The following XPO7 variants were observed in gnomAD, a reference collection of about 807,000 sequenced individuals.
XPO7 encodes exportin-7.
Under a neutral mutation model 144.3 loss-of-function variants are expected in XPO7, and 21 were observed. The observed-to-expected ratio is 0.15, with a 90% CI of 0.10 to 0.21. The LOEUF (loss-of-function observed/expected upper bound fraction) is 0.21, where lower values mean the gene tolerates loss of function less well. Ranked by LOEUF, XPO7 falls within the 10% of genes least tolerant of loss-of-function variation. The pLI is 1.00. For missense variants in XPO7, 808 were observed against 1,325.8 expected, an observed-to-expected ratio of 0.61 and a Z score of 6.06; for synonymous variants, 580 against 499.6, an observed-to-expected ratio of 1.16 and a Z score of -2.15.
chr8:21,967,350 G>T (rs752673464), intron 2 of XPO7, among the ~76,000 whole-genome samples: 2 of 152,068 alleles, frequency 1.3e-5, no homozygotes, highest in Admixed American at 1.3e-4. Flanking sequence ...TTATTTTTGA[G>T]ACGGAGTTTC....
intron 1 of XPO7, among the ~76,000 whole-genome samples, chr8:21,944,342 CA>C (rs1811088499): frequency 6.6e-6 from 1 of 152,224 alleles, no homozygotes; most frequent in South Asian, 2.1e-4. Context: ...CCTAGGCGGG[CA>C]GATCACCTGA....
intron 19 of XPO7, 93 bp downstream of exon 19, chr8:21,992,067 A>G (rs930775284): frequency 1.7e-5 from 15 of 885,166 alleles, no homozygotes; most frequent in Non-Finnish European, 2.6e-5. Flanking sequence ...ATCCACTGCC[A>G]TAGCTTTTTT....
chr8:21,962,348 G>GA (rs1339826328), intron 1 of XPO7, among the ~76,000 whole-genome samples: 2 of 152,050 alleles, frequency 1.3e-5, no homozygotes, highest in African/African-American at 4.8e-5. Context: ...GCACTGGTAA[G>GA]AAAAAAGAAA....
chr8:21,969,673 G>A, intron 3 of XPO7, 97 bp downstream of exon 3: 2 of 1,161,946 alleles, frequency 1.7e-6, no homozygotes, highest in Non-Finnish European at 2.5e-6. Flanking sequence ...ATGATATGCT[G>A]AGATTGCTAA....
intron 12 of XPO7, among the ~76,000 whole-genome samples, chr8:21,985,322 C>T (rs1812544271): frequency 6.6e-6 from 1 of 152,204 alleles, no homozygotes; most frequent in Non-Finnish European, 1.5e-5. Context: ...TGTAACATGG[C>T]ACTGTGCCCA....
intron 1 of XPO7, among the ~76,000 whole-genome samples, chr8:21,925,209 G>C (rs1382380314): frequency 3.9e-5 from 6 of 152,160 alleles, no homozygotes; most frequent in Admixed American, 3.9e-4. Context: ...TCAAAATCTT[G>C]GGGGAGGGAG....
chr8:21,946,668 G>A (rs1321229041), intron 1 of XPO7, among the ~76,000 whole-genome samples: 1 of 140,146 alleles, frequency 7.1e-6, no homozygotes, highest in South Asian at 2.2e-4. Flanking sequence ...TTTTGACGGA[G>A]TCTTGCCCTG....
At chr8:21,925,171 G>T (rs983003376) in intron 1 of XPO7, among the ~76,000 whole-genome samples, 4 of 152,162 alleles carry the variant, frequency 2.6e-5, no homozygotes, top group Non-Finnish European at 5.9e-5. Flanking sequence ...AATTCTCAAT[G>T]GAATGGGATT....
At chr8:21,924,246 A>G (rs1810385119) in intron 1 of XPO7, among the ~76,000 whole-genome samples, 1 of 152,202 alleles carries the variant, frequency 6.6e-6, no homozygotes, top group Admixed American at 6.5e-5. Flanking sequence ...TGCTGTGTAT[A>G]AGTGACCCAT....
In XPO7 at chr8:21,990,356, A is replaced by G. The variant is rs199900873; in HGVS notation, c.1881A>G (p.Val627=). ...LNDLSIGYSS[V]RKLVKLSAVQ... is the part of the protein sequence containing the mutation. Reference sequence around the variant, plus strand: ...CCTTTGTCTTCACGTACAGTAGCGTAAGGAAGCTAGTGAAGCTTAGTGCGG... The same window carrying G: ...CCTTTGTCTTCACGTACAGTAGCGTGAGGAAGCTAGTGAAGCTTAGTGCGG... The change falls in exon 17 of 28, where the codon GTA becomes GTG. Residue 627 remains valine, a synonymous_variant. Transcript: ENST00000252512. The G allele has an allele frequency of 1.2e-5, 19 of 1,613,690 alleles. No individual in the cohort carries two copies. Among genetic ancestry groups the G allele is most frequent in the Non-Finnish European group, 1.5e-5 (18 of 1,179,704 alleles).
intron 1 of XPO7, among the ~76,000 whole-genome samples, chr8:21,954,866 ATG>A (rs1811485103): frequency 6.6e-6 from 1 of 152,174 alleles, no homozygotes. Flanking sequence ...TGTTTGCTGT[ATG>A]GTAAACATCA....
chr8:21,960,844 T>C (rs935499424), intron 1 of XPO7, among the ~76,000 whole-genome samples: 7 of 152,220 alleles, frequency 4.6e-5, no homozygotes. Context: ...AGTGCAGCTG[T>C]AGGTTGTTGA....
At chr8:21,959,512 T>G (rs1223565087) in intron 1 of XPO7, among the ~76,000 whole-genome samples, 1 of 152,204 alleles carries the variant, frequency 6.6e-6, no homozygotes, top group Non-Finnish European at 1.5e-5. Flanking sequence ...TACTCTGTAC[T>G]GAATCAACTC....
At chr8:21,988,897 A>G (rs1007613427) in intron 15 of XPO7, 106 bp from the exon 16 acceptor site, 2 of 896,664 alleles carry the variant, frequency 2.2e-6, no homozygotes, top group Non-Finnish European at 3.4e-6. Context: ...TTGGTGGTGC[A>G]GATGTGTGGT....
At position 21,974,650 on chromosome 8, in the gene XPO7, T is replaced by C. The variant is rs1554517270; in HGVS notation, c.493-20T>C. On this transcript the variant is annotated intron_variant, in intron 5 of 27. Coordinates refer to ENST00000252512, the MANE Select transcript of XPO7 (RefSeq NM_015024.5). ...TTTTGCAATTAATTCTTTGCATTGGTTTCTTCTTTTTCTGCACAGGCAGAC... is the reference window on the plus strand; with the variant it reads ...TTTTGCAATTAATTCTTTGCATTGGCTTCTTCTTTTTCTGCACAGGCAGAC... 6.5e-7 allele frequency: 1 copy of C among 1,530,278 alleles called. No individual in the cohort carries two copies. The highest frequency in any genetic ancestry group is 1.3e-5 in the South Asian group (1 of 79,130). 94.8% of individuals were successfully genotyped at this position (1,530,278 alleles called of 1,614,324 possible).
intron 6 of XPO7, among the ~76,000 whole-genome samples, chr8:21,975,658 C>G (rs1194924744): frequency 6.6e-6 from 1 of 152,164 alleles, no homozygotes; most frequent in Non-Finnish European, 1.5e-5. Context: ...TCAGGTTAAG[C>G]AAAGCTGCCT....
chr8:21,920,173 G>C (rs1810226534), intron 1 of XPO7, among the ~76,000 whole-genome samples: 1 of 151,164 alleles, frequency 6.6e-6, no homozygotes, highest in African/African-American at 2.4e-5. Flanking sequence ...TTACTGAGGG[G>C]GACGCCCCCA....
intron 9 of XPO7, among the ~76,000 whole-genome samples, chr8:21,981,195 T>G (rs1286066671): frequency 1.3e-5 from 2 of 152,214 alleles, no homozygotes; most frequent in Non-Finnish European, 2.9e-5. Context: ...GATTTTAAAA[T>G]AGCTGTAATA....
chr8:21,944,527 A>T (rs947615914), intron 1 of XPO7, among the ~76,000 whole-genome samples: 2 of 152,204 alleles, frequency 1.3e-5, no homozygotes, highest in Non-Finnish European at 2.9e-5. Flanking sequence ...AGACCACACC[A>T]CTGTACTCCA....
Sources: allele counts gnomAD v4.1 joint callset (sites outside exome capture counted in the v4.1 genomes callset), GRCh38; gene constraint gnomAD v4.1.1; transcripts MANE v1.5; gene names NCBI Gene and HGNC (gene_info 2026-07-23, HGNC 2026-07-21).